Variants in DLGAP1 observed in about 807,000 individuals in gnomAD.
DLGAP1 encodes the protein disks large-associated protein 1.
Under a neutral mutation model 90.8 loss-of-function variants are expected in DLGAP1, and 11 were observed. That is an observed-to-expected ratio of 0.12 (90% CI 0.08 to 0.20). The LOEUF is 0.20. Ranked by LOEUF, DLGAP1 falls within the 10% of genes least tolerant of loss-of-function variation. The pLI is 1.00. For synonymous variants in DLGAP1, 558 were observed against 540.7 expected, an observed-to-expected ratio of 1.03 and a Z score of -0.44; for missense variants, 1,050 against 1,333.8, an observed-to-expected ratio of 0.79 and a Z score of 3.31.
rs948248087 is a variant in DLGAP1 at position 4,378,815 on chromosome 18, T to A, written c.-267+76191A>T. Among the ~76,000 whole-genome samples, 1 of 152,142 alleles carries A rather than the reference T, an allele frequency of 6.6e-6. No homozygotes were observed. The highest frequency in any genetic ancestry group is 1.5e-5 in the Non-Finnish European group (1 of 68,000). On this transcript the variant is annotated intron_variant, in intron 1 of 12. Transcript: ENST00000315677. This position sits in a 1 kb window ranked among gnomAD's most constrained non-coding sequence, Gnocchi z 4.5. ...TTGTGTCACAGTTCCATAAACACCA[T>A]TCCATGAACCTCATTCATTCTTACT... is the stretch of plus-strand genomic sequence containing the variant.
intron 9 of DLGAP1, among the ~76,000 whole-genome samples, chr18:3,553,430 CTTTG>C (rs746793753): frequency 1.8e-4 from 28 of 152,066 alleles, no homozygotes; most frequent in Non-Finnish European, 4.0e-4. Context: ...GTAAATACTA[CTTTG>C]TTTTTCTTAT....
At chr18:4,423,449 A>G (rs1384506020) in intron 1 of DLGAP1, among the ~76,000 whole-genome samples, 1 of 152,224 alleles carries the variant, frequency 6.6e-6, no homozygotes, top group Non-Finnish European at 1.5e-5. Context: ...GGCATTTCAC[A>G]TCAAATTACA....
chr18:3,717,463 CA>C lies in DLGAP1; in HGVS notation c.1591+11671del, dbSNP rs140814130. ...AGAAAGAAAAGGAAGGCTTTCTCTG[CA>C]GAAGTTAGCACTTACCAGTCTCTTG... On this transcript the variant is annotated intron_variant, in intron 7 of 12. Transcript: ENST00000315677. Among the ~76,000 whole-genome samples, 423 of 152,270 alleles carry C rather than the reference CA, an allele frequency of 2.8e-3. 1 individual carries two copies. Among genetic ancestry groups the C allele is most frequent in the African/African-American group, 9.4e-3 (389 of 41,554 alleles).
intron 2 of DLGAP1, among the ~76,000 whole-genome samples, chr18:4,136,705 T>G (rs1378480854): frequency 6.6e-6 from 1 of 152,208 alleles, no homozygotes; most frequent in African/African-American, 2.4e-5. Flanking sequence ...TTCACTTTGT[T>G]GATTGTCTCC....
At chr18:3,522,883 A>G (rs2051304976) in intron 10 of DLGAP1, among the ~76,000 whole-genome samples, 1 of 152,130 alleles carries the variant, frequency 6.6e-6, no homozygotes, top group South Asian at 2.1e-4. Flanking sequence ...AGAGGATACA[A>G]TGGGAAAAGG....
chr18:4,282,334 A>G (rs1185805321), intron 1 of DLGAP1, among the ~76,000 whole-genome samples: 7 of 150,662 alleles, frequency 4.6e-5, no homozygotes, highest in African/African-American at 1.7e-4. Flanking sequence ...ACTGCATTCC[A>G]ACCTGGGCAA....
intron 7 of DLGAP1, among the ~76,000 whole-genome samples, chr18:3,641,043 A>G (rs926127816): frequency 6.6e-6 from 1 of 152,182 alleles, no homozygotes; most frequent in African/African-American, 2.4e-5. Context: ...TAACAACTAC[A>G]CTGTACAAAA....
chr18:3,714,272 T>C (rs1345134934), intron 7 of DLGAP1, among the ~76,000 whole-genome samples: 1 of 152,240 alleles, frequency 6.6e-6, no homozygotes, highest in Non-Finnish European at 1.5e-5. Flanking sequence ...GCTATGCAGC[T>C]GAAATCTAGA....
chr18:4,365,091 A>G (rs1330068484), intron 1 of DLGAP1, among the ~76,000 whole-genome samples: 1 of 152,198 alleles, frequency 6.6e-6, no homozygotes, highest in East Asian at 1.9e-4. Flanking sequence ...ATCATAAGGA[A>G]TTAATCTTCC....
At chr18:3,539,541 G>A (rs2144595978) in intron 9 of DLGAP1, among the ~76,000 whole-genome samples, 1 of 152,308 alleles carries the variant, frequency 6.6e-6, no homozygotes, top group East Asian at 1.9e-4. Context: ...ATTCACTTCT[G>A]CTGTTGCTTT....
At chr18:3,663,089 T>C (rs1018015143) in intron 7 of DLGAP1, among the ~76,000 whole-genome samples, 3 of 152,028 alleles carry the variant, frequency 2.0e-5, no homozygotes, top group Non-Finnish European at 2.9e-5. Flanking sequence ...CTGACCAACA[T>C]GGTGAAACCC....
rs762315226 is a variant in DLGAP1, at chr18:4,378,992, G to A, written c.-267+76014C>T. 2.0e-5 allele frequency among the ~76,000 whole-genome samples: 3 copies of A among 152,192 alleles called. No individual in the cohort carries two copies. Among genetic ancestry groups the A allele is most frequent in the Admixed American group, 6.5e-5 (1 of 15,270 alleles). Reference sequence around the variant, plus strand: ...CACAGCATGTGATCTCCTGTGCCGCGTGACCACAGTTGATAGGACCAAGGG... The same window carrying A: ...CACAGCATGTGATCTCCTGTGCCGCATGACCACAGTTGATAGGACCAAGGG... On this transcript the variant is annotated intron_variant, in intron 1 of 12. Transcript: ENST00000315677. This position sits in a 1 kb window ranked among gnomAD's most constrained non-coding sequence, Gnocchi z 4.5.
At chr18:4,222,593 A>G (rs1421229653) in intron 1 of DLGAP1, among the ~76,000 whole-genome samples, 2 of 152,172 alleles carry the variant, frequency 1.3e-5, no homozygotes, top group Admixed American at 6.6e-5. Context: ...AGAAAATACT[A>G]TCAACTTAGA....
intron 1 of DLGAP1, among the ~76,000 whole-genome samples, chr18:4,347,986 TAA>T (rs1364851058): frequency 2.0e-5 from 3 of 152,240 alleles, no homozygotes; most frequent in African/African-American, 7.2e-5. Context: ...TTAATATTCA[TAA>T]ATTAAGATAT....
chr18:4,114,179 A>G lies in DLGAP1; in HGVS notation c.-159+37001T>C, dbSNP rs536786066. On this transcript the variant is annotated intron_variant, in intron 2 of 12. Transcript: ENST00000315677. ...TGAAAATGATATTAGTTTGATAGGAATAGTGTTGAATCTACAGATTGTTTT... is the reference window on the plus strand; with the variant it reads ...TGAAAATGATATTAGTTTGATAGGAGTAGTGTTGAATCTACAGATTGTTTT... Among the ~76,000 whole-genome samples the G allele has an allele frequency of 7.8e-4, 118 of 151,410 alleles. No homozygotes were observed. The Middle Eastern group carries it at 0.021, about 27-fold the overall frequency.
intron 1 of DLGAP1, among the ~76,000 whole-genome samples, chr18:4,160,069 A>C (rs1369592797): frequency 6.6e-6 from 1 of 152,242 alleles, no homozygotes; most frequent in Non-Finnish European, 1.5e-5. Context: ...TTACAAAAAG[A>C]TTTACAATTT....
chr18:3,848,718 T>G (rs1348654734), intron 4 of DLGAP1, among the ~76,000 whole-genome samples: 1 of 152,166 alleles, frequency 6.6e-6, no homozygotes, highest in African/African-American at 2.4e-5. Context: ...CAAGAGATAT[T>G]GATTTGGAAT....
intron 3 of DLGAP1, among the ~76,000 whole-genome samples, chr18:3,892,411 A>G (rs944124037): frequency 1.2e-4 from 19 of 152,086 alleles, no homozygotes; most frequent in Admixed American, 4.6e-4. Flanking sequence ...TCTTCCCCAC[A>G]TGCCACATTC....
chr18:4,357,417 A>G (rs1283184710), intron 1 of DLGAP1, among the ~76,000 whole-genome samples: 1 of 151,398 alleles, frequency 6.6e-6, no homozygotes, highest in Non-Finnish European at 1.5e-5. Context: ...GCCTCCCACC[A>G]TTTCTTTCTT....
Sources: allele counts gnomAD v4.1 joint callset (sites outside exome capture counted in the v4.1 genomes callset), GRCh38; gene constraint gnomAD v4.1.1; non-coding constraint Gnocchi (gnomAD v3.1); transcripts MANE v1.5; gene names NCBI Gene and HGNC (gene_info 2026-07-23, HGNC 2026-07-21).